ABHD2: variants seen among roughly 807,000 people sequenced by gnomAD.
The protein encoded by ABHD2 is monoacylglycerol lipase ABHD2.
ABHD2 carries 20 observed loss-of-function variants against 48.1 expected under a neutral mutation model. The ratio of observed to expected loss-of-function variants is 0.42; its 90% CI spans 0.29 to 0.60. The LOEUF (loss-of-function observed/expected upper bound fraction) is 0.60, where lower values mean the gene tolerates loss of function less well. Ranked by LOEUF, ABHD2 falls within the 20% of genes least tolerant of loss-of-function variation. The pLI is 0.24. For missense variants in ABHD2, 405 were observed against 550.9 expected (o/e 0.74, Z 2.65); for synonymous variants, 209 against 214.2 (o/e 0.98, Z 0.21).
At chr15:89,077,877 AG>A in the ABHD2 span, among the ~76,000 whole-genome samples, 1 of 152,170 alleles carries the variant, frequency 6.6e-6, no homozygotes, top group Non-Finnish European at 1.5e-5. Context: ...TACTGTGGAC[AG>A]CTTTTGCAAC....
chr15:89,074,624 G>A, the ABHD2 span, among the ~76,000 whole-genome samples: 2 of 152,152 alleles, frequency 1.3e-5, no homozygotes, highest in Non-Finnish European at 2.9e-5. Context: ...GCAGGCACCC[G>A]AAGTGGCTGC....
chr15:89,154,552 G>C (rs1050443806), intron 4 of ABHD2, among the ~76,000 whole-genome samples: 2 of 152,096 alleles, frequency 1.3e-5, no homozygotes, highest in Admixed American at 1.3e-4. Context: ...CCACTCTCAA[G>C]GTTCTTGTGT....
intron 1 of ABHD2, among the ~76,000 whole-genome samples, chr15:89,105,860 CTTTTT>C (rs908168370): frequency 1.4e-5 from 2 of 146,164 alleles, no homozygotes; most frequent in South Asian, 4.3e-4. Flanking sequence ...GAGAGGAGGT[CTTTTT>C]TTTTTTTCTT....
At position 89,097,873 on chromosome 15, in the gene ABHD2, A is replaced by G. The variant is rs779447731; in HGVS notation, c.-107+9310A>G. Among the ~76,000 whole-genome samples, 3 of 152,128 alleles carry G rather than the reference A, an allele frequency of 2.0e-5. No individual in the cohort carries two copies. The highest frequency in any genetic ancestry group is 4.8e-5 in the African/African-American group (2 of 41,430). ...CCTTGTTTTAGTCACTTAACATGGA[A>G]TTATACATGTTAGCAAATTTCTTGT... On this transcript the variant is annotated intron_variant, in intron 1 of 10. Transcript: ENST00000352732. The surrounding 1 kb of genome is among the most constrained non-coding windows in gnomAD (Gnocchi z 4.2).
At position 89,146,115 on chromosome 15, in the gene ABHD2, TGTGCTAATTTGGTAGAGAA is replaced by T. The variant is rs1273024758; in HGVS notation, c.195-5559_195-5541del. Among the ~76,000 whole-genome samples the T allele has an allele frequency of 1.3e-5, 2 of 152,148 alleles. No individual in the cohort carries two copies. The highest frequency in any genetic ancestry group is 2.9e-5 in the Non-Finnish European group (2 of 68,042). ...TAAACATCTAGTGTGTGCCAAGTCC[TGTGCTAATTTGGTAGAGAA>T]GTACAAGGGAGAATCAAAGGAAATA... On this transcript the variant is annotated intron_variant, in intron 3 of 10. Coordinates refer to ENST00000352732, the MANE Select transcript of ABHD2 (RefSeq NM_152924.5). The surrounding 1 kb of genome is among the most constrained non-coding windows in gnomAD (Gnocchi z 4.2).
At chr15:89,042,202 G>A in the ABHD2 span, among the ~76,000 whole-genome samples, 1 of 152,164 alleles carries the variant, frequency 6.6e-6, no homozygotes, top group Non-Finnish European at 1.5e-5. Context: ...AGAACATGCA[G>A]CAGCTGCATA....
At chr15:89,124,266 A>G (rs1333603029) in intron 3 of ABHD2, among the ~76,000 whole-genome samples, 1 of 152,186 alleles carries the variant, frequency 6.6e-6, no homozygotes, top group South Asian at 2.1e-4. Context: ...TTTTCTGCCT[A>G]CTTGTTATAA....
At chr15:89,126,839 T>G (rs898237170) in intron 3 of ABHD2, among the ~76,000 whole-genome samples, 11 of 152,180 alleles carry the variant, frequency 7.2e-5, no homozygotes, top group South Asian at 4.1e-4. Context: ...CAAGAATACT[T>G]CCCTGCAAAT....
At chr15:89,051,054 G>A in the ABHD2 span, among the ~76,000 whole-genome samples, 93 of 152,244 alleles carry the variant, frequency 6.1e-4, 1 homozygote, top group South Asian at 4.4e-3. Context: ...CCAGCATGGC[G>A]AAACCCCATC....
the ABHD2 span, among the ~76,000 whole-genome samples, chr15:89,063,938 T>A: frequency 2.6e-5 from 4 of 152,184 alleles, no homozygotes; most frequent in Middle Eastern, 0.01. Flanking sequence ...AGCCTGGTTC[T>A]TAACAGGCCA....
chr15:89,190,972 A>G, intron 8 of ABHD2, 108 bp from the exon 9 acceptor site: 1 of 1,047,026 alleles, frequency 9.6e-7, no homozygotes, highest in Non-Finnish European at 1.4e-6. Context: ...TACTCTACCA[A>G]TGCCACAAGT....
chr15:89,190,463 C>A (rs936717947), intron 8 of ABHD2, among the ~76,000 whole-genome samples: 1 of 152,076 alleles, frequency 6.6e-6, no homozygotes, highest in Non-Finnish European at 1.5e-5. Flanking sequence ...ATTTCTGTTA[C>A]CTAATACATA....
Position 89,092,158 on chromosome 15 carries a change from G to A in ABHD2, c.-107+3595G>A, listed in dbSNP as rs1340195290. Among the ~76,000 whole-genome samples the A allele has an allele frequency of 6.6e-6, 1 of 152,200 alleles. No individual in the cohort carries two copies. The highest frequency in any genetic ancestry group is 1.5e-5 in the Non-Finnish European group (1 of 68,036). ...TGTAAAATGGTTGGTGTGGACAGAC[G>A]ATAAGCTCCACCATTACCCCTGAAG... On this transcript the variant is annotated intron_variant, in intron 1 of 10. Transcript: ENST00000352732. The surrounding 1 kb of genome is among the most constrained non-coding windows in gnomAD (Gnocchi z 4.4).
At chr15:89,066,883 C>T in the ABHD2 span, among the ~76,000 whole-genome samples, 2 of 152,288 alleles carry the variant, frequency 1.3e-5, no homozygotes, top group East Asian at 3.9e-4. Context: ...CTGTGTTAGT[C>T]GTCCTTTCTC....
intron 3 of ABHD2, among the ~76,000 whole-genome samples, chr15:89,121,017 A>G (rs951523705): frequency 6.6e-6 from 1 of 152,210 alleles, no homozygotes; most frequent in South Asian, 2.1e-4. Flanking sequence ...ACATTCACCC[A>G]TGCTGCTACC....
At chr15:89,117,241 G>A (rs952206455) in intron 3 of ABHD2, among the ~76,000 whole-genome samples, 8 of 152,166 alleles carry the variant, frequency 5.3e-5, no homozygotes, top group African/African-American at 1.7e-4. Context: ...GGCCAGGCTG[G>A]TCTTGAACTC....
chr15:89,060,590 C>T, the ABHD2 span, among the ~76,000 whole-genome samples: 1 of 152,062 alleles, frequency 6.6e-6, no homozygotes, highest in Non-Finnish European at 1.5e-5. Flanking sequence ...AATGGGCCAC[C>T]GTGATATACA....
the ABHD2 span, among the ~76,000 whole-genome samples, chr15:89,071,340 G>T: frequency 1.3e-5 from 2 of 152,168 alleles, no homozygotes; most frequent in East Asian, 3.8e-4. Context: ...AGAACCGCTT[G>T]AACCCGGGAG....
At chr15:89,136,813 G>C (rs6496555) in intron 3 of ABHD2, among the ~76,000 whole-genome samples, 91,748 of 152,160 alleles carry the variant, frequency 0.6, 27,853 homozygotes, top group Non-Finnish European at 0.64. Context: ...TCCCCATAAC[G>C]CTGGCACAGA....
Sources: gnomAD v4.1 joint callset for allele counts (sites outside exome capture counted in the v4.1 genomes callset) on GRCh38, gnomAD v4.1.1 for gene constraint, Gnocchi (gnomAD v3.1) non-coding constraint, MANE v1.5 for transcripts, NCBI Gene and HGNC (gene_info 2026-07-23, HGNC 2026-07-21) for gene names.